Variants in ELFN1 observed in about 807,000 individuals in gnomAD.
The protein encoded by ELFN1 is extracellular leucine rich repeat and fibronectin type III domain containing 1, also known as protein ELFN1.
Under a neutral mutation model 7.6 loss-of-function variants are expected in ELFN1, and 6 were observed. That is an observed-to-expected ratio of 0.79 (90% CI 0.43 to 1.56). The LOEUF is 1.56. Among genes scored for constraint, ELFN1 ranks in the 40% most tolerant of loss-of-function variants. ELFN1 has a pLI of 0.01. For missense variants in ELFN1, 1,169 were observed against 1,232.2 expected (o/e 0.95, Z 0.77); for synonymous variants, 657 against 588.1 (o/e 1.12, Z -1.70).
chr7:1,689,387 G>C (rs1779115210), intron 2 of ELFN1, among the ~76,000 whole-genome samples: 1 of 152,202 alleles, frequency 6.6e-6, no homozygotes, highest in Non-Finnish European at 1.5e-5. Flanking sequence ...GATAAGTGAG[G>C]GGAACAAAAG....
In ELFN1 at chr7:1,746,140, CG is replaced by C; in HGVS notation, c.1546del (p.Asp516ThrfsTer168). 6.5e-7 allele frequency: 1 copy of C among 1,548,274 alleles called. No homozygotes were observed. The highest frequency in any genetic ancestry group is 8.7e-7 in the Non-Finnish European group (1 of 1,145,708). ...GAGCAGTACAAGCTGGTGGAGAGCG[CG>C]GACACCCCCAAGGCCAGCAAGGGCA... Reference protein sequence around the residue: ...EVEQYKLVESADTPKASKGSY... With the variant: ...EVEQYKLVESXDTPKASKGSY... On this transcript the variant is annotated frameshift_variant, in exon 4 of 4. Transcript: ENST00000424383. LOFTEE classifies it low-confidence loss of function (END_TRUNC).
At position 1,675,708 on chromosome 7, in the gene ELFN1, G is replaced by A. The variant is rs138182127; in HGVS notation, c.-549+5354G>A. 3.3e-3 allele frequency among the ~76,000 whole-genome samples: 503 copies of A among 152,328 alleles called. 6 individuals are homozygous for A. The highest frequency in any genetic ancestry group is 0.012 in the African/African-American group (480 of 41,576). ...TGCGCAGGAGGCCCTGCAGGGAGAG[G>A]GCTTTGCAGAGCACACAGTGAGGCG... On this transcript the variant is annotated intron_variant, in intron 1 of 3. Transcript: ENST00000424383.
chr7:1,674,829 G>A lies in ELFN1; in HGVS notation c.-549+4475G>A, dbSNP rs564253955. Among the ~76,000 whole-genome samples, 18 of 152,272 alleles carry A rather than the reference G, an allele frequency of 1.2e-4. No individual in the cohort carries two copies. The South Asian group carries it at 3.7e-3, about 32-fold the overall frequency. On this transcript the variant is annotated intron_variant, in intron 1 of 3. Coordinates refer to ENST00000424383, the MANE Select transcript of ELFN1 (RefSeq NM_001128636.4). ...TTCCGAGGGAGGGATGGGGACAGAG[G>A]AGGCACAGCCGGGCGGGAAACATCC...
In ELFN1 at chr7:1,745,328, C is replaced by G; in HGVS notation, c.732C>G (p.Ser244Arg). 6.5e-7 allele frequency: 1 copy of G among 1,539,810 alleles called. No homozygotes were observed. Among genetic ancestry groups the G allele is most frequent in the Non-Finnish European group, 8.7e-7 (1 of 1,146,740 alleles). The change falls in exon 4 of 4, where the codon AGC (serine) becomes AGG (arginine). Residue 244 changes from serine to arginine, a missense_variant. Ser to Arg is a moderately radical substitution (Grantham distance 110). Coordinates refer to ENST00000424383, the MANE Select transcript of ELFN1 (RefSeq NM_001128636.4). Reference sequence around the variant, plus strand: ...GCCGCGGCCACCGCAGCATCCTCAGCAAACTGCAGTCAGTCTGCACCGAGG... The same window carrying G: ...GCCGCGGCCACCGCAGCATCCTCAGGAAACTGCAGTCAGTCTGCACCGAGG... The part of the protein sequence containing the change: ...QGRRGHRSIL[S>R]KLQSVCTEDS...
intron 2 of ELFN1, among the ~76,000 whole-genome samples, chr7:1,702,159 T>A (rs924136830): frequency 1.3e-5 from 2 of 152,164 alleles, no homozygotes; most frequent in Non-Finnish European, 2.9e-5. Context: ...GTGCAGTGGC[T>A]CACGCTTGTA....
rs367791252 is a variant in ELFN1, at chr7:1,696,376, G to C, written c.-456+8226G>C. Among the ~76,000 whole-genome samples, 9 of 151,518 alleles carry C rather than the reference G, an allele frequency of 5.9e-5. 1 individual carries two copies. The South Asian group carries it at 1.0e-3, about 18-fold the overall frequency. On this transcript the variant is annotated intron_variant, in intron 2 of 3. Transcript: ENST00000424383. ...AGAGAGAGGGCATGCAGATGCCCTG[G>C]TGTCTTTCTTTCTTTCTTTTTTTTT...
upstream of ELFN1, among the ~76,000 whole-genome samples, chr7:1,668,247 G>T (rs1312938668): frequency 6.6e-6 from 1 of 152,266 alleles, no homozygotes; most frequent in Non-Finnish European, 1.5e-5. Context: ...CTCGGCCTCA[G>T]TTTGCACCCC....
intron 3 of ELFN1, among the ~76,000 whole-genome samples, chr7:1,723,046 T>G (rs1184609081): frequency 1.3e-5 from 2 of 152,066 alleles, no homozygotes; most frequent in Admixed American, 6.5e-5. Flanking sequence ...AATACAAAAT[T>G]AGCCAGGTGT....
chr7:1,713,323 A>G (rs975282371), intron 3 of ELFN1, among the ~76,000 whole-genome samples: 1 of 152,188 alleles, frequency 6.6e-6, no homozygotes, highest in Non-Finnish European at 1.5e-5. Flanking sequence ...GGCAAGACAG[A>G]TGGGCCCTGG....
At chr7:1,680,511 T>G (rs1355043271) in intron 1 of ELFN1, among the ~76,000 whole-genome samples, 2 of 152,210 alleles carry the variant, frequency 1.3e-5, no homozygotes, top group African/African-American at 2.4e-5. Context: ...TTTTTCTTCC[T>G]GAGCAGCTTT....
chr7:1,744,516 A>C lies in ELFN1; in HGVS notation c.-81A>C. On this transcript the variant is annotated 5_prime_UTR_variant, in exon 4 of 4. Coordinates refer to ENST00000424383, the MANE Select transcript of ELFN1 (RefSeq NM_001128636.4). ...AGGCACCTCCCCCTCCCGCCCCTCC[A>C]TCCCTCTGGGGGCTGGCGCCTGGCC... The C allele has an allele frequency of 4.4e-6, 6 of 1,376,420 alleles. No homozygotes were observed. Among genetic ancestry groups the C allele is most frequent in the East Asian group, 2.6e-5 (1 of 37,766 alleles). The allele number at this position is 1,376,420 out of a possible 1,614,324, so 85.3% of individuals were successfully genotyped here. A position where few individuals can be genotyped will look rare whatever the true frequency, so the allele number is the denominator to read the frequency against.
chr7:1,743,670 G>A (rs575864178), intron 3 of ELFN1, among the ~76,000 whole-genome samples: 1 of 152,176 alleles, frequency 6.6e-6, no homozygotes. Context: ...CCCTCCCAGA[G>A]GGCTGGAGAG....
At chr7:1,696,392 CTTTTTTT>C (rs964898176) in intron 2 of ELFN1, among the ~76,000 whole-genome samples, 1 of 137,224 alleles carries the variant, frequency 7.3e-6, no homozygotes, top group South Asian at 2.3e-4. Context: ...TTCTTTCTTT[CTTTTTTT>C]TTTTTTTTTC....
chr7:1,677,458 G>A (rs1004900078), intron 1 of ELFN1, among the ~76,000 whole-genome samples: 19 of 152,226 alleles, frequency 1.2e-4, no homozygotes, highest in Middle Eastern at 3.2e-3. Flanking sequence ...GAGCAGGCAC[G>A]CATGTTCACG....
At chr7:1,724,779 G>A (rs555178052) in intron 3 of ELFN1, among the ~76,000 whole-genome samples, 11 of 152,254 alleles carry the variant, frequency 7.2e-5, no homozygotes, top group South Asian at 2.1e-4. Flanking sequence ...GCAGGTTCAC[G>A]GCCACCACTG....
upstream of ELFN1, among the ~76,000 whole-genome samples, chr7:1,669,162 TG>T (rs1778714676): frequency 6.6e-6 from 1 of 152,262 alleles, no homozygotes; most frequent in Non-Finnish European, 1.5e-5. Context: ...AACGGCGTCG[TG>T]GGCGTTCATT....
intron 2 of ELFN1, among the ~76,000 whole-genome samples, chr7:1,707,504 C>CAG (rs1779560256): frequency 6.6e-6 from 1 of 152,184 alleles, no homozygotes; most frequent in South Asian, 2.1e-4. Flanking sequence ...CTGATGGGTG[C>CAG]CCTGGGAGGG....
chr7:1,697,813 C>G (rs1779349878), intron 2 of ELFN1, among the ~76,000 whole-genome samples: 1 of 152,278 alleles, frequency 6.6e-6, no homozygotes, highest in South Asian at 2.1e-4. Context: ...GAGACAGGGT[C>G]TCTCTCTTTC....
Position 1,746,146 on chromosome 7 carries a change from C to A in ELFN1, c.1550C>A (p.Thr517Asn). 1.3e-6 allele frequency: 2 copies of A among 1,548,966 alleles called. No homozygotes were observed. Among genetic ancestry groups the A allele is most frequent in the African/African-American group, 1.4e-5 (1 of 73,090 alleles). The part of the protein sequence containing the change: ...EQYKLVESAD[T>N]PKASKGSYME... ...TACAAGCTGGTGGAGAGCGCGGACA[C>A]CCCCAAGGCCAGCAAGGGCAGCTAC... The change falls in exon 4 of 4, where the codon ACC becomes AAC. Residue 517 changes from threonine (T) to asparagine (N), a missense_variant. Thr to Asn is a moderately conservative substitution (Grantham distance 65, BLOSUM62 0). Transcript: ENST00000424383.
Sources: allele counts gnomAD v4.1 joint callset (sites outside exome capture counted in the v4.1 genomes callset), GRCh38; gene constraint gnomAD v4.1.1; transcripts MANE v1.5; gene names NCBI Gene and HGNC (gene_info 2026-07-23, HGNC 2026-07-21).